The following ITIH5 variants were observed in gnomAD, a reference collection of about 807,000 sequenced individuals.
The protein encoded by ITIH5 is inter-alpha-trypsin inhibitor heavy chain 5, also known as inter-alpha-trypsin inhibitor heavy chain H5.
Under a neutral mutation model 77.5 loss-of-function variants are expected in ITIH5, and 65 were observed. The ratio of observed to expected loss-of-function variants is 0.84; its 90% CI spans 0.69 to 1.03. The LOEUF (loss-of-function observed/expected upper bound fraction) is 1.03, where lower values mean the gene tolerates loss of function less well. ITIH5 is among the 50% of genes least tolerant of loss of function. The probability of loss-of-function intolerance (pLI) is 0.00; values close to 1 mark genes in which losing one functional copy is unlikely to be tolerated. For synonymous variants in ITIH5, 525 were observed against 494.3 expected (o/e 1.06, Z -0.82); for missense variants, 1,208 against 1,213.1 (o/e 1.00, Z 0.06).
Position 7,659,137 on chromosome 10 carries a change from G to A in ITIH5, c.91-3462C>T, listed in dbSNP as rs143285504. ...CATGCCTGTAATCCCAGCACTCCGG[G>A]AGGCTGTGGTGAGTGGATCACCTGA... On this transcript the variant is annotated intron_variant, in intron 1 of 13. Coordinates refer to ENST00000397146, the MANE Select transcript of ITIH5 (RefSeq NM_030569.7). 5.8e-3 allele frequency among the ~76,000 whole-genome samples: 879 copies of A among 152,268 alleles called. 11 individuals carry two copies. The highest frequency in any genetic ancestry group is 0.02 in the African/African-American group (841 of 41,544).
At chr10:7,650,803 C>T (rs899567881) in intron 2 of ITIH5, among the ~76,000 whole-genome samples, 1 of 151,918 alleles carries the variant, frequency 6.6e-6, no homozygotes, top group Non-Finnish European at 1.5e-5. Flanking sequence ...ACTTCCCCAA[C>T]TGCTAGATTT....
chr10:7,629,225 G>GTGTGTCCCTGTTGTAGCA lies in ITIH5; in HGVS notation c.652+8002_652+8003insTGCTACAACAGGGACACA, dbSNP rs1833660478. On this transcript the variant is annotated intron_variant, in intron 5 of 13. Transcript: ENST00000397146. ...TTGTAGCGTGTGTCCCTGTTGTAGC[G>GTGTGTCCCTGTTGTAGCA]TGTGCCCATGTTGTAGCGTGTGTCC... 1.6e-5 allele frequency among the ~76,000 whole-genome samples: 2 copies of GTGTGTCCCTGTTGTAGCA among 122,972 alleles called. 1 individual carries two copies. Among genetic ancestry groups the GTGTGTCCCTGTTGTAGCA allele is most frequent in the Non-Finnish European group, 3.7e-5 (2 of 54,030 alleles). 80.7% of individuals were successfully genotyped at this position (122,972 alleles called of 152,430 possible).
chr10:7,567,815 A>AG lies in ITIH5; in HGVS notation c.2150-1409dup, dbSNP rs148503597. 3.8e-3 allele frequency among the ~76,000 whole-genome samples: 572 copies of AG among 152,326 alleles called. 4 individuals are homozygous for AG. Among genetic ancestry groups the AG allele is most frequent in the African/African-American group, 0.012 (509 of 41,578 alleles). On this transcript the variant is annotated intron_variant, in intron 12 of 13. Transcript: ENST00000397146. Reference sequence around the variant, plus strand: ...CTTAAACCCAGGAGGTGGAGATTGCAGTGAGCTGAGATGGTGCCACTTCAC... The same window carrying AG: ...CTTAAACCCAGGAGGTGGAGATTGCAGGTGAGCTGAGATGGTGCCACTTCAC...
chr10:7,587,515 G>T (rs1832706106), intron 7 of ITIH5, among the ~76,000 whole-genome samples: 1 of 152,216 alleles, frequency 6.6e-6, no homozygotes, highest in East Asian at 1.9e-4. Context: ...CTCTCCGTGG[G>T]GCCCTGGGGC....
intron 5 of ITIH5, among the ~76,000 whole-genome samples, chr10:7,627,568 C>A (rs1248523521): frequency 6.6e-6 from 1 of 152,096 alleles, no homozygotes; most frequent in Non-Finnish European, 1.5e-5. Context: ...TTCCTCAGTT[C>A]TTAGGATTAT....
In ITIH5 at chr10:7,637,488, A is replaced by G; in HGVS notation, c.402-10T>C. ...TTCAGTCCCCTTCTCTCTGTCAGGA[A>G]AAAGGAAAAGGACCCCAGGGAGGTT... On this transcript the variant is annotated splice_polypyrimidine_tract_variant and intron_variant, in intron 4 of 13. Transcript: ENST00000397146. The G allele has an allele frequency of 6.2e-7, 1 of 1,612,958 alleles. No individual in the cohort carries two copies. Among genetic ancestry groups the G allele is most frequent in the Non-Finnish European group, 8.5e-7 (1 of 1,179,750 alleles).
In ITIH5 at chr10:7,639,605, G is replaced by A. The variant is rs188238666; in HGVS notation, c.401+1149C>T. 8.5e-5 allele frequency among the ~76,000 whole-genome samples: 13 copies of A among 152,222 alleles called. No homozygotes were observed. The East Asian group carries it at 2.5e-3, about 29-fold the overall frequency. On this transcript the variant is annotated intron_variant, in intron 4 of 13. Transcript: ENST00000397146. ...TTCATGAGGAAAACCGGGTTACCAGGTTCACACCATTTTATCTAGATACAA... is the reference window on the plus strand; with the variant it reads ...TTCATGAGGAAAACCGGGTTACCAGATTCACACCATTTTATCTAGATACAA...
At chr10:7,585,778 T>A (rs1437893626) in intron 8 of ITIH5, 123 bp downstream of exon 8, 11 of 802,520 alleles carry the variant, frequency 1.4e-5, no homozygotes, top group Admixed American at 3.0e-5. Context: ...TCGCCTGCAG[T>A]CTCCCTTCCT....
rs1287325865 is a variant in ITIH5, at chr10:7,629,206, C to T, written c.652+8022G>A. Among the ~76,000 whole-genome samples, 7 of 118,846 alleles carry T rather than the reference C, an allele frequency of 5.9e-5. 1 individual carries two copies. The highest frequency in any genetic ancestry group is 4.2e-4 in the Admixed American group (5 of 11,774). The allele number at this position is 118,846 out of a possible 152,430, so 78.0% of individuals were successfully genotyped here. A position where few individuals can be genotyped will look rare whatever the true frequency, so the allele number is the denominator to read the frequency against. On this transcript the variant is annotated intron_variant, in intron 5 of 13. Coordinates refer to ENST00000397146, the MANE Select transcript of ITIH5 (RefSeq NM_030569.7). The stretch of plus-strand genomic sequence containing the variant: ...GTTTTCACATGTGTCCCTGTTGTAG[C>T]GTGTGTCCCTGTTGTAGCGTGTGCC...
At chr10:7,625,993 A>C (rs1291632202) in intron 5 of ITIH5, among the ~76,000 whole-genome samples, 8 of 152,312 alleles carry the variant, frequency 5.3e-5, no homozygotes, top group African/African-American at 1.9e-4. Context: ...CTGAGGATGA[A>C]AATGATGAAA....
intron 11 of ITIH5, chr10:7,572,155 G>T (rs1832313512): frequency 6.1e-6 from 7 of 1,142,610 alleles, no homozygotes; most frequent in Non-Finnish European, 2.2e-6. Flanking sequence ...GTCTCCCGCA[G>T]GCTGTGCGGA....
chr10:7,599,581 T>G (rs1286056414), intron 7 of ITIH5, among the ~76,000 whole-genome samples: 1 of 152,200 alleles, frequency 6.6e-6, no homozygotes, highest in Admixed American at 6.5e-5. Context: ...GCCTTTGACC[T>G]GATCGCCTTT....
intron 5 of ITIH5, among the ~76,000 whole-genome samples, chr10:7,635,154 G>A (rs1833779341): frequency 1.3e-5 from 2 of 152,200 alleles, no homozygotes. Flanking sequence ...ATTATGTTAA[G>A]TGCTAAGGAG....
At chr10:7,587,159 A>G (rs883169) in intron 7 of ITIH5, among the ~76,000 whole-genome samples, 42,971 of 152,128 alleles carry the variant, frequency 0.28, 6,363 homozygotes, top group East Asian at 0.49. Flanking sequence ...GAAGGAAGGC[A>G]GTTTGAGCAA....
In ITIH5 at chr10:7,643,850, C is replaced by T. The variant is rs115632216; in HGVS notation, c.136-1760G>A. Among the ~76,000 whole-genome samples, 766 of 152,324 alleles carry T rather than the reference C, an allele frequency of 5.0e-3. 8 individuals are homozygous for T. Among genetic ancestry groups the T allele is most frequent in the African/African-American group, 0.017 (727 of 41,570 alleles). On this transcript the variant is annotated intron_variant, in intron 2 of 13. Transcript: ENST00000397146. ...GAGGGTTATTCTATTTAAACAAATA[C>T]GCACTCAAAATGTTTGCGTGAAATC...
At chr10:7,644,191 T>A (rs1833932046) in intron 2 of ITIH5, among the ~76,000 whole-genome samples, 1 of 151,880 alleles carries the variant, frequency 6.6e-6, no homozygotes, top group Non-Finnish European at 1.5e-5. Flanking sequence ...TGAGCCAAGA[T>A]TGTGCCACTG....
chr10:7,623,542 G>T (rs376711465), intron 5 of ITIH5, among the ~76,000 whole-genome samples: 16 of 152,278 alleles, frequency 1.1e-4, no homozygotes, highest in African/African-American at 3.8e-4. Flanking sequence ...GGTGGCTCAC[G>T]CCTGTAATCC....
intron 5 of ITIH5, among the ~76,000 whole-genome samples, chr10:7,624,946 G>A (rs11255250): frequency 0.67 from 94,998 of 140,978 alleles, 33,409 homozygotes; most frequent in Non-Finnish European, 0.76. Flanking sequence ...CTGCCATCAC[G>A]TGTCCATTGG....
At chr10:7,635,717 A>G (rs1296195284) in intron 5 of ITIH5, among the ~76,000 whole-genome samples, 7 of 151,966 alleles carry the variant, frequency 4.6e-5, no homozygotes, top group Non-Finnish European at 1.5e-5. Context: ...GAGAAAGTGT[A>G]TTTTCCGCAC....
Sources: gnomAD v4.1 joint callset for allele counts (sites outside exome capture counted in the v4.1 genomes callset) on GRCh38, gnomAD v4.1.1 for gene constraint, MANE v1.5 for transcripts, NCBI Gene and HGNC (gene_info 2026-07-23, HGNC 2026-07-21) for gene names.